The following MTUS2 variants were observed in gnomAD, a reference collection of about 807,000 sequenced individuals.
MTUS2 encodes the protein microtubule-associated tumor suppressor candidate 2.
Under a neutral mutation model 114.1 loss-of-function variants are expected in MTUS2, and 40 were observed. The ratio of observed to expected loss-of-function variants is 0.35; its 90% CI spans 0.27 to 0.46. The LOEUF is 0.46. Among genes scored for constraint, MTUS2 ranks in the 20% least tolerant of loss-of-function variants. MTUS2 has a pLI of 1.00. For missense variants in MTUS2, 1,679 were observed against 1,705.4 expected (o/e 0.98, Z 0.27); for synonymous variants, 688 against 672.0 (o/e 1.02, Z -0.37).
At position 29,038,633 on chromosome 13, in the gene MTUS2, G is replaced by T. The variant is rs780440090; in HGVS notation, c.2446+4508G>T. Reference sequence around the variant, plus strand: ...AGGAATGTTTAAGTCTGCTGAAGCTGCACCCACAGCTGCCCCATCCCCCAG... The same window carrying T: ...AGGAATGTTTAAGTCTGCTGAAGCTTCACCCACAGCTGCCCCATCCCCCAG... On this transcript the variant is annotated intron_variant, in intron 4 of 15. Coordinates refer to ENST00000612955, the MANE Select transcript of MTUS2 (RefSeq NM_001033602.4). Among the ~76,000 whole-genome samples the T allele has an allele frequency of 2.6e-5, 4 of 152,224 alleles. No homozygotes were observed. In the South Asian group the frequency reaches 8.3e-4, roughly 31 times the overall value.
At chr13:28,922,282 T>C (rs1456829252) in intron 2 of MTUS2, among the ~76,000 whole-genome samples, 1 of 152,198 alleles carries the variant, frequency 6.6e-6, no homozygotes, top group Non-Finnish European at 1.5e-5. Context: ...GCCTTTTTTC[T>C]TTATAAGTTA....
chr13:29,478,019 T>C (rs918373969), intron 9 of MTUS2, among the ~76,000 whole-genome samples: 2 of 152,202 alleles, frequency 1.3e-5, no homozygotes, highest in Admixed American at 6.5e-5. Flanking sequence ...AGGCATAAGC[T>C]CAATGGGATA....
intron 4 of MTUS2, among the ~76,000 whole-genome samples, chr13:29,046,884 A>G (rs1269818711): frequency 6.6e-6 from 1 of 152,016 alleles, no homozygotes; most frequent in African/African-American, 2.4e-5. Flanking sequence ...ACTTTCTTTT[A>G]CGTGCCCACC....
Position 29,303,948 on chromosome 13 carries a change from A to G in MTUS2, c.2807-20665A>G, listed in dbSNP as rs115722055. On this transcript the variant is annotated intron_variant, in intron 6 of 15. Coordinates refer to ENST00000612955, the MANE Select transcript of MTUS2 (RefSeq NM_001033602.4). ...ACTAACAGTAGACTTCTCAGTAGAA[A>G]ATCTACAAGCCAGAAGAGTTTGGAG... 1.7e-3 allele frequency among the ~76,000 whole-genome samples: 258 copies of G among 152,358 alleles called. 1 individual carries two copies. Among genetic ancestry groups the G allele is most frequent in the African/African-American group, 5.9e-3 (246 of 41,582 alleles).
chr13:28,997,148 A>G (rs1216955029), intron 2 of MTUS2, among the ~76,000 whole-genome samples: 1 of 152,064 alleles, frequency 6.6e-6, no homozygotes, highest in Non-Finnish European at 1.5e-5. Flanking sequence ...TCATTTCGTT[A>G]TGTACCCAGT....
chr13:29,105,044 A>G (rs551134202), intron 5 of MTUS2, among the ~76,000 whole-genome samples: 2 of 152,190 alleles, frequency 1.3e-5, no homozygotes, highest in Non-Finnish European at 2.9e-5. Flanking sequence ...AAAACCCAAA[A>G]TTATTTTGAA....
chr13:29,055,834 T>C (rs1055283028), intron 4 of MTUS2, among the ~76,000 whole-genome samples: 8 of 136,108 alleles, frequency 5.9e-5, no homozygotes, highest in Admixed American at 5.3e-4. Context: ...TTCATGGATT[T>C]GTTGGCTGTG....
At position 29,377,978 on chromosome 13, in the gene MTUS2, A is replaced by G. The variant is rs181943334; in HGVS notation, c.3117+18505A>G. Reference sequence around the variant, plus strand: ...GCTGTTGGTATACAGAACAACTTGGATGATTCTCAGAACATGCTGAGTGAA... The same window carrying G: ...GCTGTTGGTATACAGAACAACTTGGGTGATTCTCAGAACATGCTGAGTGAA... On this transcript the variant is annotated intron_variant, in intron 8 of 15. Coordinates refer to ENST00000612955, the MANE Select transcript of MTUS2 (RefSeq NM_001033602.4). Among the ~76,000 whole-genome samples, 65 of 152,366 alleles carry G rather than the reference A, an allele frequency of 4.3e-4. No homozygotes were observed. In the East Asian group the frequency reaches 9.6e-3, roughly 23 times the overall value.
chr13:29,455,667 GA>G (rs1879054198), intron 9 of MTUS2, among the ~76,000 whole-genome samples: 1 of 152,074 alleles, frequency 6.6e-6, no homozygotes, highest in Non-Finnish European at 1.5e-5. Context: ...TATAATCAAG[GA>G]AAAAAGTAGT....
intron 5 of MTUS2, among the ~76,000 whole-genome samples, chr13:29,237,473 A>C: frequency 6.6e-6 from 1 of 152,028 alleles, no homozygotes; most frequent in East Asian, 1.9e-4. Context: ...CTGCTTCTCC[A>C]GGCTGAGGGT....
At chr13:28,987,855 T>C (rs992167063) in intron 2 of MTUS2, among the ~76,000 whole-genome samples, 2 of 152,226 alleles carry the variant, frequency 1.3e-5, no homozygotes, top group Non-Finnish European at 2.9e-5. Context: ...ATGGTACAAT[T>C]TTTGTGTTTT....
chr13:29,294,876 G>A (rs1242699791), intron 6 of MTUS2, among the ~76,000 whole-genome samples: 1 of 152,206 alleles, frequency 6.6e-6, no homozygotes, highest in Non-Finnish European at 1.5e-5. Context: ...CCTTGGGCAT[G>A]CAAAATGCTC....
chr13:29,050,685 A>C (rs1887853302), intron 4 of MTUS2, among the ~76,000 whole-genome samples: 1 of 152,216 alleles, frequency 6.6e-6, no homozygotes. Context: ...GTGTTCCTGC[A>C]GAGAAGGACA....
chr13:29,439,821 C>T (rs753131451), intron 8 of MTUS2, among the ~76,000 whole-genome samples, 162 bp from the exon 9 acceptor site: 4 of 152,142 alleles, frequency 2.6e-5, no homozygotes, highest in Non-Finnish European at 5.9e-5. Flanking sequence ...ATGAGTCAGA[C>T]TTGACTTTGT....
At position 29,487,792 on chromosome 13, in the gene MTUS2, G is replaced by GTGAC. The variant is rs1352766394; in HGVS notation, c.3400-106_3400-103dup. On this transcript the variant is annotated intron_variant, in intron 10 of 15. Transcript: ENST00000612955. ...AGCTCTCCTGCTTCGGCACAAGGCTGTGACTTGTCATTGATGTTTTGGGTC... is the reference window on the plus strand; with the variant it reads ...AGCTCTCCTGCTTCGGCACAAGGCTGTGACTGACTTGTCATTGATGTTTTGGGTC... The GTGAC allele has an allele frequency of 4.7e-6, 4 of 859,504 alleles. No homozygotes were observed. The Admixed American group carries it at 5.3e-5, about 11-fold the overall frequency. 53.2% of individuals were successfully genotyped at this position (859,504 alleles called of 1,614,324 possible).
chr13:29,297,948 G>GT (rs1172590009), intron 6 of MTUS2, among the ~76,000 whole-genome samples: 3 of 152,136 alleles, frequency 2.0e-5, no homozygotes, highest in Admixed American at 6.5e-5. Flanking sequence ...CTGAAACTTA[G>GT]TTTTAGTCAT....
At chr13:28,925,970 G>A (rs1046842144) in intron 2 of MTUS2, among the ~76,000 whole-genome samples, 5 of 152,206 alleles carry the variant, frequency 3.3e-5, no homozygotes, top group African/African-American at 1.2e-4. Context: ...TGAATACCCT[G>A]TCCTAGTAAT....
intron 4 of MTUS2, among the ~76,000 whole-genome samples, chr13:29,066,853 T>TA (rs1941838236): frequency 6.6e-6 from 1 of 152,260 alleles, no homozygotes; most frequent in Admixed American, 6.5e-5. Flanking sequence ...AGGAACCCAC[T>TA]AGGCTTGGGC....
At chr13:29,154,036 G>T (rs1245905223) in intron 5 of MTUS2, among the ~76,000 whole-genome samples, 2 of 152,158 alleles carry the variant, frequency 1.3e-5, no homozygotes, top group Non-Finnish European at 2.9e-5. Flanking sequence ...TTGGAGGGTG[G>T]TGCATGGAGG....
Sources: gnomAD v4.1 joint callset for allele counts (sites outside exome capture counted in the v4.1 genomes callset) on GRCh38, gnomAD v4.1.1 for gene constraint, MANE v1.5 for transcripts, NCBI Gene and HGNC (gene_info 2026-07-23, HGNC 2026-07-21) for gene names.